The following ALPK1 variants were observed in gnomAD, a reference collection of about 807,000 sequenced individuals.
ALPK1 encodes the protein alpha kinase 1, also known as alpha-protein kinase 1.
In ALPK1, 110 loss-of-function variants were observed where a neutral mutation model predicts 120.6. The ratio of observed to expected loss-of-function variants is 0.91; its 90% confidence interval spans 0.78 to 1.07. The LOEUF (loss-of-function observed/expected upper bound fraction) is 1.07, where lower values mean the gene tolerates loss of function less well. ALPK1 is among the 50% of genes least tolerant of loss of function. The pLI is 0.00. For missense variants in ALPK1, 1,498 were observed against 1,483.9 expected (o/e 1.01, Z -0.16); for synonymous variants, 582 against 560.3 (o/e 1.04, Z -0.55).
At chr4:112,382,893 TA>T (rs1218168064) in intron 4 of ALPK1, 3 of 262,630 alleles carry the variant, frequency 1.1e-5, no homozygotes, top group Non-Finnish European at 1.5e-5. Flanking sequence ...TGCTACTTTC[TA>T]AAAGTTAGGT....
chr4:112,429,793 T>C (rs1734444131), intron 10 of ALPK1, among the ~76,000 whole-genome samples: 2 of 139,636 alleles, frequency 1.4e-5, no homozygotes, highest in African/African-American at 2.8e-5. Flanking sequence ...TGAGCTGAGA[T>C]TGCACCACTG....
chr4:112,371,735 G>A (rs1731413314), intron 2 of ALPK1, among the ~76,000 whole-genome samples: 1 of 152,114 alleles, frequency 6.6e-6, no homozygotes, highest in African/African-American at 2.4e-5. Flanking sequence ...GGAAACCAAA[G>A]CAAATAAGTA....
At chr4:112,356,275 G>T (rs1189656859) in intron 2 of ALPK1, 3 of 1,183,480 alleles carry the variant, frequency 2.5e-6, no homozygotes, top group East Asian at 2.3e-5. Flanking sequence ...CAGGCAAGAC[G>T]CTGTGCCTCC....
chr4:112,332,397 A>G (rs977251032), intron 2 of ALPK1, among the ~76,000 whole-genome samples: 1 of 152,208 alleles, frequency 6.6e-6, no homozygotes, highest in African/African-American at 2.4e-5. Flanking sequence ...CCCCAGAAAC[A>G]TCAATGAGTT....
At chr4:112,357,032 G>T (rs1730660861) in intron 2 of ALPK1, 10 of 819,840 alleles carry the variant, frequency 1.2e-5, no homozygotes, top group Non-Finnish European at 2.1e-5. Context: ...GTTCAGCGCG[G>T]ACCCCACCAG....
chr4:112,370,805 T>C (rs1202606994), intron 2 of ALPK1, among the ~76,000 whole-genome samples: 1 of 152,246 alleles, frequency 6.6e-6, no homozygotes, highest in Non-Finnish European at 1.5e-5. Context: ...CTTCAGTACA[T>C]TTCTGGGGAA....
rs201251655 is a variant in ALPK1, at chr4:112,430,429, T to G, written c.901-19T>G. 1 of 1,545,644 alleles carries G rather than the reference T, an allele frequency of 6.5e-7. No homozygotes were observed. The highest frequency in any genetic ancestry group is 1.4e-5 in the African/African-American group (1 of 72,592). On this transcript the variant is annotated intron_variant, in intron 10 of 15. Coordinates refer to ENST00000650871, the MANE Select transcript of ALPK1 (RefSeq NM_025144.4). ...GTTTTCAATTCAATATCTGATTTGGTATTTGGTATTTTTCCCAGAATATCC... is the reference window on the plus strand; with the variant it reads ...GTTTTCAATTCAATATCTGATTTGGGATTTGGTATTTTTCCCAGAATATCC...
At chr4:112,344,584 G>A (rs541710021) in intron 2 of ALPK1, among the ~76,000 whole-genome samples, 1 of 152,358 alleles carries the variant, frequency 6.6e-6, no homozygotes, top group East Asian at 1.9e-4. Flanking sequence ...ATCTTTCAAT[G>A]TATTGATACA....
chr4:112,357,328 C>A, intron 2 of ALPK1: 1 of 841,106 alleles, frequency 1.2e-6, no homozygotes, highest in Non-Finnish European at 1.9e-6. Flanking sequence ...AGATTGTGTT[C>A]AGTGTAGACC....
At chr4:112,304,048 C>T (rs1233994756) in intron 1 of ALPK1, among the ~76,000 whole-genome samples, 4 of 152,092 alleles carry the variant, frequency 2.6e-5, no homozygotes, top group Non-Finnish European at 5.9e-5. Context: ...TGGTTTCCAG[C>T]TTCATCCAGG....
At chr4:112,390,640 A>G (rs1474797191) in intron 4 of ALPK1, among the ~76,000 whole-genome samples, 1 of 152,176 alleles carries the variant, frequency 6.6e-6, no homozygotes, top group Non-Finnish European at 1.5e-5. Flanking sequence ...AAACCGTATT[A>G]ATGTTATTTG....
chr4:112,320,291 AT>A (rs1282314674), intron 2 of ALPK1, among the ~76,000 whole-genome samples: 2 of 152,192 alleles, frequency 1.3e-5, no homozygotes, highest in African/African-American at 4.8e-5. Flanking sequence ...TTCTGCATCT[AT>A]TGACATGATC....
At chr4:112,374,787 T>C (rs1351540001) in intron 2 of ALPK1, among the ~76,000 whole-genome samples, 1 of 152,204 alleles carries the variant, frequency 6.6e-6, no homozygotes, top group African/African-American at 2.4e-5. Context: ...ACACTGTCAA[T>C]GAGCAGTAAT....
At chr4:112,298,529 A>G (rs562699128) in intron 1 of ALPK1, among the ~76,000 whole-genome samples, 115 of 152,276 alleles carry the variant, frequency 7.6e-4, no homozygotes, top group African/African-American at 2.6e-3. Context: ...TCCCCATATC[A>G]AAGATCTTTT....
intron 4 of ALPK1, among the ~76,000 whole-genome samples, chr4:112,402,965 T>G (rs1427271013): frequency 1.3e-5 from 2 of 152,054 alleles, no homozygotes; most frequent in Non-Finnish European, 2.9e-5. Flanking sequence ...AAATTCCATG[T>G]AGACCAATAT....
At chr4:112,308,540 C>T (rs376450096) in intron 1 of ALPK1, among the ~76,000 whole-genome samples, 49 of 152,208 alleles carry the variant, frequency 3.2e-4, no homozygotes, top group South Asian at 8.3e-4. Context: ...TTGATCGAAT[C>T]GGCTACTGAA....
At chr4:112,382,278 A>G in intron 3 of ALPK1, 120 bp from the exon 4 acceptor site, 1 of 1,189,332 alleles carries the variant, frequency 8.4e-7, no homozygotes, top group Non-Finnish European at 1.2e-6. Context: ...AGGCAGGGAA[A>G]AGGTTTTTCT....
chr4:112,429,653 G>A (rs1396357804), intron 10 of ALPK1, among the ~76,000 whole-genome samples: 1 of 152,048 alleles, frequency 6.6e-6, no homozygotes, highest in East Asian at 1.9e-4. Context: ...GAGCAACATG[G>A]TGAGACTTTG....
chr4:112,406,343 C>T (rs1733172546), intron 4 of ALPK1, among the ~76,000 whole-genome samples: 1 of 152,122 alleles, frequency 6.6e-6, no homozygotes, highest in Non-Finnish European at 1.5e-5. Context: ...ATGGATGAAC[C>T]TTGAATATAT....
Sources: gnomAD v4.1 joint callset for allele counts (sites outside exome capture counted in the v4.1 genomes callset) on GRCh38, gnomAD v4.1.1 for gene constraint, MANE v1.5 for transcripts, NCBI Gene and HGNC (gene_info 2026-07-23, HGNC 2026-07-21) for gene names.